SLAIN1: variants seen among roughly 807,000 people sequenced by gnomAD.
SLAIN1 encodes the protein SLAIN family member 1.
A neutral mutation model predicts 55.4 loss-of-function variants in SLAIN1; 17 were observed. The observed-to-expected ratio is 0.31, with a 90% CI of 0.21 to 0.46. SLAIN1 has a LOEUF of 0.46. SLAIN1 is among the 20% of genes least tolerant of loss of function. The pLI is 1.00. For missense variants in SLAIN1, 682 were observed against 785.1 expected (o/e 0.87, Z 1.57); for synonymous variants, 348 against 337.4 (o/e 1.03, Z -0.35).
intron 2 of SLAIN1, among the ~76,000 whole-genome samples, chr13:77,735,523 T>G (rs1873077604): frequency 6.6e-6 from 1 of 152,164 alleles, no homozygotes; most frequent in African/African-American, 2.4e-5. Context: ...CTGTATGGCC[T>G]AAGAGCATTT....
At chr13:77,703,668 C>G (rs2091053118) in intron 1 of SLAIN1, among the ~76,000 whole-genome samples, 1 of 151,778 alleles carries the variant, frequency 6.6e-6, no homozygotes, top group Non-Finnish European at 1.5e-5. Flanking sequence ...TTTTAAGAGC[C>G]TGTTGGAACT....
At chr13:77,751,053 A>G (rs1456141981) in intron 4 of SLAIN1, among the ~76,000 whole-genome samples, 1 of 152,186 alleles carries the variant, frequency 6.6e-6, no homozygotes, top group Non-Finnish European at 1.5e-5. Context: ...TGAAAGGGGA[A>G]TAAGAAGAGC....
At chr13:77,725,683 A>G (rs2091301193) in intron 2 of SLAIN1, among the ~76,000 whole-genome samples, 1 of 152,192 alleles carries the variant, frequency 6.6e-6, no homozygotes, top group East Asian at 1.9e-4. Context: ...GTGAGGAGCC[A>G]GAATGTTTCT....
At chr13:77,727,431 G>T (rs190615142) in intron 2 of SLAIN1, among the ~76,000 whole-genome samples, 2 of 135,408 alleles carry the variant, frequency 1.5e-5, no homozygotes, top group African/African-American at 3.2e-5. Context: ...AATTTTTTAA[G>T]TTGGGCAAAA....
chr13:77,697,760 G>C lies in SLAIN1; in HGVS notation c.-154G>C. On this transcript the variant is annotated 5_prime_UTR_variant, in exon 1 of 7. Coordinates refer to ENST00000418532, the MANE Select transcript of SLAIN1 (RefSeq NM_001242868.2). Reference sequence around the variant, plus strand: ...CTGCCGCGGCCGGAGGCGAGGGCCCGGTGCTGATGCGAACCGCCGGCTCGG... The same window carrying C: ...CTGCCGCGGCCGGAGGCGAGGGCCCCGTGCTGATGCGAACCGCCGGCTCGG... 4 of 688,554 alleles carry C rather than the reference G, an allele frequency of 5.8e-6. No homozygotes were observed. Among genetic ancestry groups the C allele is most frequent in the Non-Finnish European group, 7.7e-6 (4 of 518,274 alleles). 42.7% of individuals were successfully genotyped at this position (688,554 alleles called of 1,614,324 possible).
At chr13:77,749,672 A>G (rs1033927420) in intron 4 of SLAIN1, among the ~76,000 whole-genome samples, 3 of 152,172 alleles carry the variant, frequency 2.0e-5, no homozygotes, top group Non-Finnish European at 2.9e-5. Flanking sequence ...TGAAGATAGA[A>G]CTAGAACATT....
At chr13:77,718,304 A>G (rs188905849) in intron 1 of SLAIN1, among the ~76,000 whole-genome samples, 88 of 152,292 alleles carry the variant, frequency 5.8e-4, no homozygotes, top group Non-Finnish European at 1.0e-3. Flanking sequence ...TCAACTTTCA[A>G]TGTCTATAAA....
chr13:77,701,847 A>T (rs1300599122), intron 1 of SLAIN1, among the ~76,000 whole-genome samples: 13 of 150,106 alleles, frequency 8.7e-5, no homozygotes, highest in African/African-American at 3.2e-4. Context: ...TACATGTGCC[A>T]TGCTGGTGCG....
At chr13:77,741,914 G>C (rs1423687443) in intron 2 of SLAIN1, among the ~76,000 whole-genome samples, 12 of 152,006 alleles carry the variant, frequency 7.9e-5, no homozygotes, top group Admixed American at 7.9e-4. Context: ...TACAAACCAA[G>C]TTATTTCTTG....
chr13:77,727,069 G>T (rs1227822737), intron 2 of SLAIN1, among the ~76,000 whole-genome samples: 1 of 152,096 alleles, frequency 6.6e-6, no homozygotes, highest in African/African-American at 2.4e-5. Flanking sequence ...CAGTCTGTTG[G>T]TATAAAGTTA....
intron 2 of SLAIN1, among the ~76,000 whole-genome samples, chr13:77,723,057 T>C (rs1225819178): frequency 6.6e-6 from 1 of 152,002 alleles, no homozygotes; most frequent in East Asian, 1.9e-4. Flanking sequence ...CCATCTAACA[T>C]TTTTTTTCAG....
At chr13:77,743,080 A>G in intron 2 of SLAIN1, 1 of 1,303,072 alleles carries the variant, frequency 7.7e-7, no homozygotes, top group Non-Finnish European at 1.0e-6. Context: ...GTCCTGTTGC[A>G]AGACTCAGCC....
intron 2 of SLAIN1, chr13:77,743,192 G>A: frequency 7.8e-7 from 1 of 1,289,520 alleles, no homozygotes. Flanking sequence ...TTGACTAGCT[G>A]CTTGCTTTGT....
chr13:77,745,117 GT>G, intron 3 of SLAIN1, among the ~76,000 whole-genome samples: 1 of 152,014 alleles, frequency 6.6e-6, no homozygotes, highest in Admixed American at 6.6e-5. Flanking sequence ...GCTGGATGTA[GT>G]TATAAAAGGG....
At position 77,750,223 on chromosome 13, in the gene SLAIN1, A is replaced by G. The variant is rs1874114404; in HGVS notation, c.1259-2980A>G. Among the ~76,000 whole-genome samples the G allele has an allele frequency of 2.0e-5, 3 of 152,206 alleles. No individual in the cohort carries two copies. The South Asian group carries it at 6.2e-4, about 31-fold the overall frequency. Reference sequence around the variant, plus strand: ...ATATGGCAAAATGGAAACAACCAGTATAGCCAGGTGGAAAAACAGGTGTTT... The same window carrying G: ...ATATGGCAAAATGGAAACAACCAGTGTAGCCAGGTGGAAAAACAGGTGTTT... On this transcript the variant is annotated intron_variant, in intron 4 of 6. Coordinates refer to ENST00000418532, the MANE Select transcript of SLAIN1 (RefSeq NM_001242868.2).
chr13:77,728,858 C>A (rs1186513523), intron 2 of SLAIN1, among the ~76,000 whole-genome samples: 1 of 152,162 alleles, frequency 6.6e-6, no homozygotes, highest in Admixed American at 6.6e-5. Context: ...TCTCGAGATG[C>A]TCTGTCAAAC....
intron 5 of SLAIN1, among the ~76,000 whole-genome samples, chr13:77,754,619 A>G (rs1874469860): frequency 6.6e-6 from 1 of 152,162 alleles, no homozygotes; most frequent in African/African-American, 2.4e-5. Flanking sequence ...TTACTTTTAT[A>G]ACACAGTCCA....
intron 2 of SLAIN1, among the ~76,000 whole-genome samples, chr13:77,738,931 T>C (rs921171662): frequency 1.3e-5 from 2 of 152,142 alleles, no homozygotes; most frequent in Non-Finnish European, 2.9e-5. Context: ...GGCAGCTTTG[T>C]TGCCTTCTTG....
At position 77,760,940 on chromosome 13, in the gene SLAIN1, C is replaced by T; in HGVS notation, c.1527C>T (p.Ser509=). 6.2e-7 allele frequency: 1 copy of T among 1,614,132 alleles called. No individual in the cohort carries two copies. Among genetic ancestry groups the T allele is most frequent in the Non-Finnish European group, 8.5e-7 (1 of 1,180,014 alleles). The change falls in exon 6 of 7, where the codon AGC becomes AGT. Residue 509 remains serine, a synonymous_variant. Coordinates refer to ENST00000418532, the MANE Select transcript of SLAIN1 (RefSeq NM_001242868.2). ...ATGTGAGTCCAACCGTTCAAGGCAG[C>T]AGTAACATGCCTTTATCAAACGGCT... ...TAYVSPTVQG[S]SNMPLSNGLQ...
Sources: gnomAD v4.1 joint callset for allele counts (sites outside exome capture counted in the v4.1 genomes callset) on GRCh38, gnomAD v4.1.1 for gene constraint, MANE v1.5 for transcripts, NCBI Gene and HGNC (gene_info 2026-07-23, HGNC 2026-07-21) for gene names.